The following PIEZO2 variants were observed in gnomAD, a reference collection of about 807,000 sequenced individuals.
PIEZO2 encodes the protein piezo type mechanosensitive ion channel component 2, also known as piezo-type mechanosensitive ion channel component 2.
Under a neutral mutation model 337.3 loss-of-function variants are expected in PIEZO2, and 172 were observed. That is an observed-to-expected ratio of 0.51 (90% CI 0.45 to 0.58). PIEZO2 has a LOEUF of 0.58. Ranked by LOEUF, PIEZO2 falls within the 20% of genes least tolerant of loss-of-function variation. The pLI is 0.00. For missense variants in PIEZO2, 3,028 were observed against 3,391.3 expected, an observed-to-expected ratio of 0.89 and a Z score of 2.66; for synonymous variants, 1,251 against 1,228.5, an observed-to-expected ratio of 1.02 and a Z score of -0.38.
At chr18:10,685,689 A>G (rs1242308187) in intron 49 of PIEZO2, among the ~76,000 whole-genome samples, 2 of 152,220 alleles carry the variant, frequency 1.3e-5, no homozygotes, top group Non-Finnish European at 1.5e-5. Context: ...GGGTGGGATC[A>G]TTCAGGGGCT....
chr18:11,043,602 C>T (rs1057026088), intron 2 of PIEZO2, among the ~76,000 whole-genome samples: 2 of 152,040 alleles, frequency 1.3e-5, no homozygotes, highest in Non-Finnish European at 2.9e-5. Context: ...ATAACAAGAA[C>T]TGAGAGTAAG....
At chr18:10,851,130 CTTTTCTTTTCTTT>C (rs1222247171) in intron 7 of PIEZO2, among the ~76,000 whole-genome samples, 3 of 137,886 alleles carry the variant, frequency 2.2e-5, no homozygotes, top group Non-Finnish European at 4.6e-5. Flanking sequence ...TTCTCTTTTT[CTTTTCTTTTCTTT>C]TTTTCTTTTA....
Position 10,795,384 on chromosome 18 carries a change from ATTTTATTTTAT to A in PIEZO2, c.1528-393_1528-383del, listed in dbSNP as rs879444128. On this transcript the variant is annotated intron_variant, in intron 12 of 55. Transcript: ENST00000674853. This position sits in a 1 kb window ranked among gnomAD's most constrained non-coding sequence, Gnocchi z 4.4. ...ATTTTATTTTATTTTATTTTATTTT[ATTTTATTTTAT>A]TTTATTTTATTTTATTCAGCTCTAT... Among the ~76,000 whole-genome samples the A allele has an allele frequency of 0.14, 3,506 of 24,444 alleles. 167 individuals carry two copies. The highest frequency in any genetic ancestry group is 0.38 in the East Asian group (274 of 720). 16.0% of individuals were successfully genotyped at this position (24,444 alleles called of 152,430 possible).
chr18:10,929,942 T>C lies in PIEZO2; in HGVS notation c.287-18714A>G, dbSNP rs1408142521. Among the ~76,000 whole-genome samples, 1 of 152,148 alleles carries C rather than the reference T, an allele frequency of 6.6e-6. No homozygotes were observed. The highest frequency in any genetic ancestry group is 1.5e-5 in the Non-Finnish European group (1 of 68,022). ...GGAAGGTGGGGTCCAACATGCCTCATTATACCCTCTTTCCTTTGGAGTTGA... is the reference window on the plus strand; with the variant it reads ...GGAAGGTGGGGTCCAACATGCCTCACTATACCCTCTTTCCTTTGGAGTTGA... On this transcript the variant is annotated intron_variant, in intron 3 of 55. Coordinates refer to ENST00000674853, the MANE Select transcript of PIEZO2 (RefSeq NM_001378183.1). This position sits in a 1 kb window ranked among gnomAD's most constrained non-coding sequence, Gnocchi z 5.6.
chr18:10,796,708 A>T (rs1294261494), intron 12 of PIEZO2, among the ~76,000 whole-genome samples: 3 of 152,240 alleles, frequency 2.0e-5, no homozygotes, highest in African/African-American at 7.2e-5. Flanking sequence ...GGGGATCCCT[A>T]TACTTCTGCT....
Position 11,066,120 on chromosome 18 carries a change from C to A in PIEZO2, c.160+7G>T, listed in dbSNP as rs2038140851. 2 of 1,525,738 alleles carry A rather than the reference C, an allele frequency of 1.3e-6. No homozygotes were observed. The highest frequency in any genetic ancestry group is 2.4e-5 in the East Asian group (1 of 40,846). The allele number at this position is 1,525,738 out of a possible 1,614,324, so 94.5% of individuals were successfully genotyped here. A position where few individuals can be genotyped will look rare whatever the true frequency, so the allele number is the denominator to read the frequency against. The stretch of plus-strand genomic sequence containing the variant: ...CTCTGTGGTATACGATAACAAAATT[C>A]TCTTACCTTGCATCGTCGTTTTTGT... On this transcript the variant is annotated splice_region_variant and intron_variant, in intron 2 of 55. Coordinates refer to ENST00000674853, the MANE Select transcript of PIEZO2 (RefSeq NM_001378183.1).
intron 52 of PIEZO2, among the ~76,000 whole-genome samples, chr18:10,678,164 T>G (rs765463350): frequency 2.0e-5 from 3 of 152,228 alleles, no homozygotes; most frequent in African/African-American, 4.8e-5. Flanking sequence ...TAATACGAGG[T>G]TCTAAAATAT....
In PIEZO2 at chr18:10,828,952, C is replaced by A. The variant is rs2040760506; in HGVS notation, c.918-21678G>T. 6.6e-6 allele frequency among the ~76,000 whole-genome samples: 1 copy of A among 152,194 alleles called. No homozygotes were observed. The highest frequency in any genetic ancestry group is 1.5e-5 in the Non-Finnish European group (1 of 68,050). On this transcript the variant is annotated intron_variant, in intron 7 of 55. Transcript: ENST00000674853. The surrounding 1 kb of genome is among the most constrained non-coding windows in gnomAD (Gnocchi z 4.1). Reference sequence around the variant, plus strand: ...GAAGCCTTTCCTCAGCATGTCATGTCTTCATTGGGCTCTCTCCTCTCAACC... The same window carrying A: ...GAAGCCTTTCCTCAGCATGTCATGTATTCATTGGGCTCTCTCCTCTCAACC...
chr18:10,845,210 A>ATG (rs1394448194), intron 7 of PIEZO2, among the ~76,000 whole-genome samples: 12 of 151,646 alleles, frequency 7.9e-5, no homozygotes, highest in Non-Finnish European at 1.3e-4. Flanking sequence ...GTATATATAT[A>ATG]TATAAACACA....
At position 11,028,270 on chromosome 18, in the gene PIEZO2, T is replaced by C. The variant is rs2036606944; in HGVS notation, c.160+37857A>G. Among the ~76,000 whole-genome samples, 1 of 152,148 alleles carries C rather than the reference T, an allele frequency of 6.6e-6. No individual in the cohort carries two copies. The highest frequency in any genetic ancestry group is 2.4e-5 in the African/African-American group (1 of 41,450). On this transcript the variant is annotated intron_variant, in intron 2 of 55. Transcript: ENST00000674853. This position sits in a 1 kb window ranked among gnomAD's most constrained non-coding sequence, Gnocchi z 4.8. The stretch of plus-strand genomic sequence containing the variant: ...TTCTTCTTTATTTTTTATTATTTTT[T>C]TTTATTTTTTGAGACAGAGTCACTT...
intron 52 of PIEZO2, among the ~76,000 whole-genome samples, chr18:10,678,120 C>T (rs1158842769): frequency 6.6e-6 from 1 of 152,148 alleles, no homozygotes; most frequent in African/African-American, 2.4e-5. Context: ...AAAGGAGGAA[C>T]CTGCTGACCA....
Position 11,035,468 on chromosome 18 carries a change from G to C in PIEZO2, c.160+30659C>G, listed in dbSNP as rs1345892422. 2.0e-5 allele frequency among the ~76,000 whole-genome samples: 3 copies of C among 152,160 alleles called. No homozygotes were observed. Among genetic ancestry groups the C allele is most frequent in the Non-Finnish European group, 4.4e-5 (3 of 68,028 alleles). ...GTGCTTGCACAGCCTGCAGGACCAT[G>C]AGTTAAATAAACCTGTTTCCTTTAC... On this transcript the variant is annotated intron_variant, in intron 2 of 55. Coordinates refer to ENST00000674853, the MANE Select transcript of PIEZO2 (RefSeq NM_001378183.1). This position sits in a 1 kb window ranked among gnomAD's most constrained non-coding sequence, Gnocchi z 4.3.
chr18:10,719,565 A>G lies in PIEZO2; in HGVS notation c.5030-1306T>C, dbSNP rs149100573. Among the ~76,000 whole-genome samples, 4 of 152,320 alleles carry G rather than the reference A, an allele frequency of 2.6e-5. No individual in the cohort carries two copies. The East Asian group carries it at 7.7e-4, about 29-fold the overall frequency. Reference sequence around the variant, plus strand: ...CACAGTAGTATTCCATGACATATACATATATATCATTTTATTTATCCAGTC... The same window carrying G: ...CACAGTAGTATTCCATGACATATACGTATATATCATTTTATTTATCCAGTC... On this transcript the variant is annotated intron_variant, in intron 36 of 55. Transcript: ENST00000674853.
rs1297837631 is a variant in PIEZO2, at chr18:11,143,521, A to G, written c.64+5004T>C. Among the ~76,000 whole-genome samples, 1 of 152,110 alleles carries G rather than the reference A, an allele frequency of 6.6e-6. No individual in the cohort carries two copies. The highest frequency in any genetic ancestry group is 1.5e-5 in the Non-Finnish European group (1 of 68,022). On this transcript the variant is annotated intron_variant, in intron 1 of 55. Transcript: ENST00000674853. The surrounding 1 kb of genome is among the most constrained non-coding windows in gnomAD (Gnocchi z 4.9). ...GTTCTAAATATTGTTTTTAAGTCCTATTAATCAGAAAAATGCAACTGCAGA... is the reference window on the plus strand; with the variant it reads ...GTTCTAAATATTGTTTTTAAGTCCTGTTAATCAGAAAAATGCAACTGCAGA...
rs775347227 is a variant in PIEZO2 at position 11,102,586 on chromosome 18, G to A, written c.65-36364C>T. 2.0e-5 allele frequency among the ~76,000 whole-genome samples: 3 copies of A among 152,306 alleles called. No homozygotes were observed. The highest frequency in any genetic ancestry group is 1.9e-4 in the East Asian group (1 of 5,180). On this transcript the variant is annotated intron_variant, in intron 1 of 55. Transcript: ENST00000674853. This position sits in a 1 kb window ranked among gnomAD's most constrained non-coding sequence, Gnocchi z 5.7. Reference sequence around the variant, plus strand: ...GAAGCATCATGCCAGCTTGTTTTGCGTCTGGCTTGGATCATCTCTGACACT... The same window carrying A: ...GAAGCATCATGCCAGCTTGTTTTGCATCTGGCTTGGATCATCTCTGACACT...
intron 13 of PIEZO2, among the ~76,000 whole-genome samples, chr18:10,793,236 G>A (rs1385146752): frequency 6.6e-6 from 1 of 151,364 alleles, no homozygotes; most frequent in Non-Finnish European, 1.5e-5. Flanking sequence ...TCCAGCCTGG[G>A]ATACAGAGCA....
intron 7 of PIEZO2, among the ~76,000 whole-genome samples, chr18:10,827,540 T>C (rs924299909): frequency 6.6e-6 from 1 of 152,196 alleles, no homozygotes; most frequent in Non-Finnish European, 1.5e-5. Flanking sequence ...TTATGTCTTT[T>C]GTATCATCTC....
chr18:10,819,133 CTT>C lies in PIEZO2; in HGVS notation c.918-11861_918-11860del, dbSNP rs1175387784. 1.3e-5 allele frequency among the ~76,000 whole-genome samples: 2 copies of C among 152,092 alleles called. No homozygotes were observed. Among genetic ancestry groups the C allele is most frequent in the African/African-American group, 4.8e-5 (2 of 41,418 alleles). ...AACTGCATTTAAGTACACCTAGACT[CTT>C]TACAGTAAAGCATTGATGAAATTAA... On this transcript the variant is annotated intron_variant, in intron 7 of 55. Transcript: ENST00000674853. The surrounding 1 kb of genome is among the most constrained non-coding windows in gnomAD (Gnocchi z 4.3).
rs1194161057 is a variant in PIEZO2, at chr18:11,078,927, G to T, written c.65-12705C>A. Among the ~76,000 whole-genome samples, 1 of 152,196 alleles carries T rather than the reference G, an allele frequency of 6.6e-6. No homozygotes were observed. The highest frequency in any genetic ancestry group is 1.5e-5 in the Non-Finnish European group (1 of 68,042). ...AAGAGATGTTTCCCAGGCTGCCTCA[G>T]CCTTCTGCTCTATTACCCTTCTTTT... On this transcript the variant is annotated intron_variant, in intron 1 of 55. Transcript: ENST00000674853. This position sits in a 1 kb window ranked among gnomAD's most constrained non-coding sequence, Gnocchi z 5.3.
Sources: gnomAD v4.1 joint callset for allele counts (sites outside exome capture counted in the v4.1 genomes callset) on GRCh38, gnomAD v4.1.1 for gene constraint, Gnocchi (gnomAD v3.1) non-coding constraint, MANE v1.5 for transcripts, NCBI Gene and HGNC (gene_info 2026-07-23, HGNC 2026-07-21) for gene names.